The following PCDHA9 variants were observed in gnomAD, a reference collection of about 807,000 sequenced individuals.
PCDHA9 encodes protocadherin alpha 9.
In PCDHA9, 62 loss-of-function variants were observed where a neutral mutation model predicts 62.0. That is an observed-to-expected ratio of 1.00 (90% CI 0.81 to 1.23). PCDHA9 has a LOEUF of 1.23. Ranked by LOEUF, PCDHA9 falls within the 50% of genes most tolerant of loss-of-function variation. The pLI is 0.00. For synonymous variants in PCDHA9, 557 were observed against 567.6 expected (o/e 0.98, Z 0.27); for missense variants, 1,205 against 1,249.8 (o/e 0.96, Z 0.54).
intron 1 of PCDHA9, among the ~76,000 whole-genome samples, chr5:140,973,377 G>T (rs1176312664): frequency 1.3e-5 from 2 of 152,208 alleles, no homozygotes; most frequent in Non-Finnish European, 2.9e-5. Context: ...ACAATGGTCA[G>T]AATAGACAAA....
chr5:140,907,158 T>C (rs1482177408), intron 1 of PCDHA9, among the ~76,000 whole-genome samples: 1 of 152,146 alleles, frequency 6.6e-6, no homozygotes, highest in Non-Finnish European at 1.5e-5. Flanking sequence ...AACAGTACCA[T>C]ATATTGGATG....
chr5:140,925,641 TATAATAATAATAATA>T (rs10569930), intron 1 of PCDHA9, among the ~76,000 whole-genome samples: 7 of 143,358 alleles, frequency 4.9e-5, no homozygotes, highest in African/African-American at 1.0e-4. Flanking sequence ...GAACTTAAAG[TATAATAATAATAATA>T]ATAATAATAA....
At chr5:140,993,509 CGGGGAGAG>C (rs2097568152) in intron 3 of PCDHA9, among the ~76,000 whole-genome samples, 1 of 143,490 alleles carries the variant, frequency 7.0e-6, no homozygotes, top group Non-Finnish European at 1.5e-5. Flanking sequence ...CACACACACA[CGGGGAGAG>C]AGAGACAGAG....
At chr5:140,908,234 C>T (rs1262299431) in intron 1 of PCDHA9, among the ~76,000 whole-genome samples, 5 of 152,184 alleles carry the variant, frequency 3.3e-5, no homozygotes, top group Non-Finnish European at 7.3e-5. Context: ...CCTTAGTCTT[C>T]TCTTCCTCAT....
chr5:140,928,770 C>A, intron 1 of PCDHA9: 4 of 1,614,106 alleles, frequency 2.5e-6, no homozygotes, highest in Non-Finnish European at 2.5e-6. Context: ...TAGTTCTTCC[C>A]ACTGATGCAG....
At chr5:140,956,629 G>A (rs1554222520) in intron 1 of PCDHA9, among the ~76,000 whole-genome samples, 1 of 152,060 alleles carries the variant, frequency 6.6e-6, no homozygotes, top group Non-Finnish European at 1.5e-5. Flanking sequence ...TTGCATCTCT[G>A]CCAGGTTTTG....
intron 1 of PCDHA9, chr5:140,882,224 G>A (rs781909276): frequency 1.5e-5 from 24 of 1,558,680 alleles, no homozygotes; most frequent in Non-Finnish European, 1.9e-5. Flanking sequence ...TTGAGGTAAG[G>A]CGTTGTATAT....
intron 1 of PCDHA9, chr5:140,967,982 G>T (rs1563372383): frequency 1.9e-6 from 3 of 1,614,224 alleles, no homozygotes; most frequent in Non-Finnish European, 2.5e-6. Context: ...GGGTCTGGAG[G>T]CCACACTGCC....
At chr5:140,876,616 A>C (rs2056459535) in intron 1 of PCDHA9, 1 of 1,614,196 alleles carries the variant, frequency 6.2e-7, no homozygotes, top group Non-Finnish European at 8.5e-7. Flanking sequence ...CTCTGGAGCC[A>C]ATGGACAGGT....
At chr5:140,942,668 A>G (rs1047486718) in intron 1 of PCDHA9, among the ~76,000 whole-genome samples, 7 of 152,336 alleles carry the variant, frequency 4.6e-5, no homozygotes, top group Admixed American at 2.0e-4. Flanking sequence ...CAATAAGCAC[A>G]AAAGTTTTAG....
intron 1 of PCDHA9, among the ~76,000 whole-genome samples, chr5:140,962,185 C>T (rs782495435): frequency 6.6e-5 from 10 of 152,126 alleles, no homozygotes; most frequent in Non-Finnish European, 1.3e-4. Flanking sequence ...ACTTATATCA[C>T]TTTTATGCTT....
At chr5:140,988,989 G>C (rs981946293) in intron 3 of PCDHA9, 1 of 152,184 alleles carries the variant, frequency 6.6e-6, no homozygotes, top group Admixed American at 6.5e-5. Flanking sequence ...CTAATGCAGG[G>C]TAAGGAAATA....
chr5:140,871,152 G>A (rs376980257), intron 1 of PCDHA9: 4 of 1,613,318 alleles, frequency 2.5e-6, no homozygotes, highest in South Asian at 1.1e-5. Context: ...GGACTTTGGC[G>A]GGCGCCGCGA....
At chr5:140,891,400 G>A (rs1220760247) in intron 1 of PCDHA9, among the ~76,000 whole-genome samples, 1 of 150,966 alleles carries the variant, frequency 6.6e-6, no homozygotes, top group Non-Finnish European at 1.5e-5. Flanking sequence ...TTTATCCCTC[G>A]CCACCCCCCA....
chr5:140,940,756 T>A (rs782132428), intron 1 of PCDHA9, among the ~76,000 whole-genome samples: 23 of 152,246 alleles, frequency 1.5e-4, no homozygotes, highest in Non-Finnish European at 2.8e-4. Context: ...GTGTGCCAAC[T>A]TTTATTTGAC....
At chr5:140,857,886 C>T in intron 1 of PCDHA9, 1 of 1,597,776 alleles carries the variant, frequency 6.3e-7, no homozygotes. Context: ...TTGCAGTCGG[C>T]GGCGGTTGGT....
intron 1 of PCDHA9, among the ~76,000 whole-genome samples, chr5:140,978,524 C>G (rs1554239389): frequency 2.0e-5 from 3 of 152,208 alleles, no homozygotes; most frequent in Admixed American, 6.5e-5. Context: ...TCCAGCCAGG[C>G]CAGCAGAACT....
At chr5:140,915,107 C>T (rs1461317939) in intron 1 of PCDHA9, among the ~76,000 whole-genome samples, 1 of 151,880 alleles carries the variant, frequency 6.6e-6, no homozygotes, top group African/African-American at 2.4e-5. Flanking sequence ...CACCACAACA[C>T]CCACCTAATT....
intron 1 of PCDHA9, among the ~76,000 whole-genome samples, chr5:140,936,341 A>G (rs954946684): frequency 7.2e-5 from 11 of 152,172 alleles, no homozygotes; most frequent in African/African-American, 2.7e-4. Flanking sequence ...CTCTATCTGC[A>G]TATATGGAAT....
Sources: gnomAD v4.1 joint callset for allele counts (sites outside exome capture counted in the v4.1 genomes callset) on GRCh38, gnomAD v4.1.1 for gene constraint, MANE v1.5 for transcripts, NCBI Gene and HGNC (gene_info 2026-07-23, HGNC 2026-07-21) for gene names.